The following FTO variants were observed in gnomAD, a reference collection of about 807,000 sequenced individuals.
The protein encoded by FTO is FTO alpha-ketoglutarate dependent dioxygenase.
A neutral mutation model predicts 63.9 loss-of-function variants in FTO; 47 were observed. That is an observed-to-expected ratio of 0.74 (90% CI 0.58 to 0.94). The LOEUF (loss-of-function observed/expected upper bound fraction) is 0.94, where lower values mean the gene tolerates loss of function less well. FTO is among the 40% of genes least tolerant of loss of function. The pLI is 0.00. For synonymous variants in FTO, 207 were observed against 224.4 expected, an observed-to-expected ratio of 0.92 and a Z score of 0.69; for missense variants, 562 against 618.1, an observed-to-expected ratio of 0.91 and a Z score of 0.96.
At chr16:54,001,089 C>G (rs749713890) in intron 8 of FTO, among the ~76,000 whole-genome samples, 5 of 152,138 alleles carry the variant, frequency 3.3e-5, no homozygotes, top group Non-Finnish European at 7.3e-5. Flanking sequence ...TTACTGAATT[C>G]TGGGATCTTA....
rs574294361 is a variant in FTO, at chr16:53,898,535, G to A, written c.1239+9584G>A. Reference sequence around the variant, plus strand: ...TCTCCATGAGGGCAGCAGGGACTTGGTCTGTTTTAGTCACTCTTATTTCCC... The same window carrying A: ...TCTCCATGAGGGCAGCAGGGACTTGATCTGTTTTAGTCACTCTTATTTCCC... On this transcript the variant is annotated intron_variant, in intron 7 of 8. Coordinates refer to ENST00000471389, the MANE Select transcript of FTO (RefSeq NM_001080432.3). 2.0e-4 allele frequency among the ~76,000 whole-genome samples: 31 copies of A among 152,216 alleles called. No homozygotes were observed. In the South Asian group the frequency reaches 4.6e-3, roughly 22 times the overall value.
chr16:53,824,886 G>T (rs1399761199), intron 2 of FTO, among the ~76,000 whole-genome samples: 1 of 152,192 alleles, frequency 6.6e-6, no homozygotes, highest in Admixed American at 6.5e-5. Context: ...GGAAACTCCA[G>T]TCTGACACCG....
chr16:53,805,122 A>G (rs1387924129), intron 1 of FTO, among the ~76,000 whole-genome samples: 1 of 152,200 alleles, frequency 6.6e-6, no homozygotes, highest in Non-Finnish European at 1.5e-5. Flanking sequence ...ACACAATAGG[A>G]TGCATAGTTG....
intron 8 of FTO, among the ~76,000 whole-genome samples, chr16:54,079,742 A>G (rs1254570264): frequency 3.3e-5 from 5 of 152,172 alleles, no homozygotes; most frequent in African/African-American, 9.7e-5. Context: ...TGTATGTCCT[A>G]TCTAAGGAGG....
intron 1 of FTO, among the ~76,000 whole-genome samples, chr16:53,808,365 G>C (rs753996800): frequency 7.2e-5 from 11 of 152,022 alleles, no homozygotes; most frequent in Non-Finnish European, 1.3e-4. Context: ...TGTTTAACTG[G>C]TAAGTCAACC....
chr16:53,856,575 G>A (rs987686620), intron 4 of FTO, among the ~76,000 whole-genome samples: 9 of 151,918 alleles, frequency 5.9e-5, no homozygotes, highest in Admixed American at 3.9e-4. Flanking sequence ...CATGGTGAAA[G>A]GCTGTCTCTA....
At chr16:53,708,951 A>G (rs1382535174) in intron 1 of FTO, among the ~76,000 whole-genome samples, 1 of 152,212 alleles carries the variant, frequency 6.6e-6, no homozygotes, top group East Asian at 1.9e-4. Flanking sequence ...TGTTGCAAAC[A>G]TTATCTTCCA....
In FTO at chr16:54,117,949, T is replaced by G. The variant is rs1364780567; in HGVS notation, c.*6034T>G. 4 of 152,236 alleles carry G rather than the reference T, an allele frequency of 2.6e-5. No individual in the cohort carries two copies. Among genetic ancestry groups the G allele is most frequent in the African/African-American group, 7.2e-5 (3 of 41,460 alleles). 9.4% of individuals were successfully genotyped at this position (152,236 alleles called of 1,614,324 possible). ...TTCATGACTTTGCTCGCATTTACTT[T>G]TCATCAATCCTGAAAGAATTGAGGT... On this transcript the variant is annotated 3_prime_UTR_variant, in exon 9 of 9. Coordinates refer to ENST00000471389, the MANE Select transcript of FTO (RefSeq NM_001080432.3).
chr16:53,882,373 GAA>G (rs4002060), intron 6 of FTO, among the ~76,000 whole-genome samples: 87,241 of 144,514 alleles, frequency 0.6, 26,422 homozygotes, highest in East Asian at 0.91. Context: ...AGTGCTACAG[GAA>G]AAAAAAAAAA....
chr16:53,883,697 G>T (rs1406334762), intron 6 of FTO, among the ~76,000 whole-genome samples: 3 of 149,940 alleles, frequency 2.0e-5, no homozygotes, highest in East Asian at 4.0e-4. Context: ...GATATTATGT[G>T]TTAGGGAGGT....
intron 8 of FTO, among the ~76,000 whole-genome samples, chr16:53,958,745 G>T (rs924964939): frequency 1.3e-5 from 2 of 152,200 alleles, no homozygotes; most frequent in African/African-American, 4.8e-5. Context: ...TCATTTCTCT[G>T]CCTTGCAGCC....
At chr16:53,810,546 T>C (rs2078491991) in intron 2 of FTO, among the ~76,000 whole-genome samples, 1 of 152,170 alleles carries the variant, frequency 6.6e-6, no homozygotes, top group Non-Finnish European at 1.5e-5. Flanking sequence ...AAGAGTTCAG[T>C]TAAACATCAC....
rs1251996662 is a variant in FTO, at chr16:54,119,792, G to T, written c.*7877G>T. On this transcript the variant is annotated 3_prime_UTR_variant, in exon 9 of 9. Transcript: ENST00000471389. ...CTGCAGTGATTGTTTTTAATATACC[G>T]TACATTGATTTCTCCCTGTGAGCAG... 1 of 152,076 alleles carries T rather than the reference G, an allele frequency of 6.6e-6. No homozygotes were observed. The highest frequency in any genetic ancestry group is 1.5e-5 in the Non-Finnish European group (1 of 68,016). The allele number at this position is 152,076 out of a possible 1,614,324, so 9.4% of individuals were successfully genotyped here. A position where few individuals can be genotyped will look rare whatever the true frequency, so the allele number is the denominator to read the frequency against.
At chr16:53,871,947 G>A (rs1196590052) in intron 4 of FTO, among the ~76,000 whole-genome samples, 1 of 151,980 alleles carries the variant, frequency 6.6e-6, no homozygotes, top group Non-Finnish European at 1.5e-5. Flanking sequence ...GGCTGGTCTC[G>A]AACTCCTGAC....
rs184552972 is a variant in FTO at position 53,987,444 on chromosome 16, A to G, written c.1364+53335A>G. 2.3e-3 allele frequency among the ~76,000 whole-genome samples: 344 copies of G among 152,114 alleles called. 1 individual carries two copies. The highest frequency in any genetic ancestry group is 2.9e-3 in the Non-Finnish European group (198 of 67,964). ...AAAACTACAAAAAAATTAGCTGGGC[A>G]TGGTGGCATGCGCCTGTAATCCCAG... On this transcript the variant is annotated intron_variant, in intron 8 of 8. Coordinates refer to ENST00000471389, the MANE Select transcript of FTO (RefSeq NM_001080432.3).
intron 1 of FTO, among the ~76,000 whole-genome samples, chr16:53,763,248 C>A (rs915979988): frequency 6.8e-6 from 1 of 147,184 alleles, no homozygotes; most frequent in African/African-American, 2.6e-5. Context: ...TTTTATATAT[C>A]CATTTTTTTA....
intron 1 of FTO, among the ~76,000 whole-genome samples, chr16:53,734,009 A>G (rs1347457662): frequency 6.6e-6 from 1 of 152,262 alleles, no homozygotes; most frequent in African/African-American, 2.4e-5. Context: ...GGGTATTTGT[A>G]GAAATTCAAC....
intron 7 of FTO, among the ~76,000 whole-genome samples, chr16:53,904,096 A>C (rs1377323118): frequency 6.6e-6 from 1 of 151,976 alleles, no homozygotes; most frequent in Non-Finnish European, 1.5e-5. Flanking sequence ...ATATGTATAT[A>C]CATATACATA....
chr16:53,942,996 G>A (rs2082568176), intron 8 of FTO, among the ~76,000 whole-genome samples: 1 of 152,160 alleles, frequency 6.6e-6, no homozygotes, highest in African/African-American at 2.4e-5. Flanking sequence ...AAGCAGGGAG[G>A]CACTGGCCTG....
Sources: gnomAD v4.1 joint callset for allele counts (sites outside exome capture counted in the v4.1 genomes callset) on GRCh38, gnomAD v4.1.1 for gene constraint, MANE v1.5 for transcripts, NCBI Gene and HGNC (gene_info 2026-07-23, HGNC 2026-07-21) for gene names.